ARPIN: variants seen among roughly 807,000 people sequenced by gnomAD.
ARPIN encodes UPF0552 protein C15orf38.
In ARPIN, 23 loss-of-function variants were observed where a neutral mutation model predicts 25.9. That is an observed-to-expected ratio of 0.89 (90% CI 0.64 to 1.26). The LOEUF (loss-of-function observed/expected upper bound fraction) is 1.26, where lower values mean the gene tolerates loss of function less well. ARPIN is among the 50% of genes most tolerant of loss of function. ARPIN has a pLI of 0.00. For missense variants in ARPIN, 333 were observed against 312.2 expected (o/e 1.07, Z -0.50); for synonymous variants, 126 against 131.4 (o/e 0.96, Z 0.28).
At chr15:89,910,855 T>G in intron 1 of ARPIN, 36 bp from the exon 2 acceptor site, 1 of 1,612,200 alleles carries the variant, frequency 6.2e-7, no homozygotes, top group Non-Finnish European at 8.5e-7. Context: ...TAGCCAGTTT[T>G]GTCAGTCCTC....
At position 89,895,811 on chromosome 15, in the gene ARPIN, T is replaced by A. The variant is rs985548124; in HGVS notation, c.*5984A>T. 2 of 152,364 alleles carry A rather than the reference T, an allele frequency of 1.3e-5. No individual in the cohort carries two copies. Among genetic ancestry groups the A allele is most frequent in the Non-Finnish European group, 2.9e-5 (2 of 68,150 alleles). The allele number at this position is 152,364 out of a possible 1,614,324, so 9.4% of individuals were successfully genotyped here. A position where few individuals can be genotyped will look rare whatever the true frequency, so the allele number is the denominator to read the frequency against. On this transcript the variant is annotated 3_prime_UTR_variant, in exon 6 of 6. Transcript: ENST00000357484. ...GGCACAGTCATACCTCACTGTAACC[T>A]CAAACTGCTGGCCTCAGGCAATCCT...
At chr15:89,909,000 CAAAACA>C (rs1299210077) in intron 2 of ARPIN, among the ~76,000 whole-genome samples, 2 of 151,924 alleles carry the variant, frequency 1.3e-5, no homozygotes, top group African/African-American at 4.8e-5. Flanking sequence ...AAAAACAAAA[CAAAACA>C]AAACCATAAC....
At chr15:89,911,952 A>C (rs1897231266) in intron 1 of ARPIN, 1 of 154,240 alleles carries the variant, frequency 6.5e-6, no homozygotes, top group African/African-American at 2.4e-5. Context: ...TCAGCCTCCC[A>C]AATAGCTGGG....
rs116966789 is a variant in ARPIN, at chr15:89,906,610, C to T, written c.301+1670G>A. Reference sequence around the variant, plus strand: ...GACTGGGTCTTGTTCATCCCTGGACCTCTCAGCATGTGGCACAAGGGCTGG... The same window carrying T: ...GACTGGGTCTTGTTCATCCCTGGACTTCTCAGCATGTGGCACAAGGGCTGG... On this transcript the variant is annotated intron_variant, in intron 3 of 5. Transcript: ENST00000357484. 4.9e-4 allele frequency among the ~76,000 whole-genome samples: 74 copies of T among 152,248 alleles called. No individual in the cohort carries two copies. The East Asian group carries it at 0.014, about 28-fold the overall frequency.
chr15:89,908,144 G>GC, intron 3 of ARPIN, 136 bp downstream of exon 3: 1 of 1,383,740 alleles, frequency 7.2e-7, no homozygotes, highest in Non-Finnish European at 9.6e-7. Flanking sequence ...GGATGTGGAA[G>GC]CCTCAGGCCA....
At chr15:89,906,417 C>T (rs942934993) in intron 3 of ARPIN, among the ~76,000 whole-genome samples, 2 of 152,182 alleles carry the variant, frequency 1.3e-5, no homozygotes, top group Admixed American at 6.5e-5. Context: ...AAACACCCTG[C>T]AAATCCCTGG....
Position 89,903,318 on chromosome 15 carries a change from C to T in ARPIN, c.570G>A (p.Lys190=). The part of the protein sequence containing the change: ...VTKCNFTGDG[K]TGASWTDNIM... Reference sequence around the variant, plus strand: ...TGTTGTCTGTCCAGGATGCCCCTGTCTTTCCATCACCAGTGAAATTACACT... The same window carrying T: ...TGTTGTCTGTCCAGGATGCCCCTGTTTTTCCATCACCAGTGAAATTACACT... Residue 190 remains lysine, a synonymous_variant, in exon 5 of 6, where the codon AAG becomes AAA. Coordinates refer to ENST00000357484, the MANE Select transcript of ARPIN (RefSeq NM_182616.4). 11 of 1,614,208 alleles carry T rather than the reference C, an allele frequency of 6.8e-6. No homozygotes were observed. Among genetic ancestry groups the T allele is most frequent in the Non-Finnish European group, 9.3e-6 (11 of 1,180,026 alleles).
intron 5 of ARPIN, chr15:89,902,959 C>T: frequency 7.1e-7 from 1 of 1,412,022 alleles, no homozygotes; most frequent in Non-Finnish European, 9.2e-7. Flanking sequence ...CCCTCTGCAC[C>T]CCCTCCTTCC....
intron 5 of ARPIN, among the ~76,000 whole-genome samples, chr15:89,902,685 C>G (rs1897042161): frequency 6.6e-6 from 1 of 152,048 alleles, no homozygotes; most frequent in Non-Finnish European, 1.5e-5. Context: ...GCCTGGGCAA[C>G]AGAATGAGAC....
At position 89,895,113 on chromosome 15, in the gene ARPIN, G is replaced by GA. The variant is rs1183287274; in HGVS notation, c.*6681dup. 2 of 151,650 alleles carry GA rather than the reference G, an allele frequency of 1.3e-5. No homozygotes were observed. Among genetic ancestry groups the GA allele is most frequent in the Non-Finnish European group, 2.9e-5 (2 of 67,936 alleles). The allele number at this position is 151,650 out of a possible 1,614,324, so 9.4% of individuals were successfully genotyped here. A position where few individuals can be genotyped will look rare whatever the true frequency, so the allele number is the denominator to read the frequency against. ...ATCTTCAGAACAGTAAAAAAAAGAA[G>GA]AAAAAAATATATATCTCAGCAGTGT... On this transcript the variant is annotated 3_prime_UTR_variant, in exon 6 of 6. Coordinates refer to ENST00000357484, the MANE Select transcript of ARPIN (RefSeq NM_182616.4).
At chr15:89,909,057 C>T (rs956494614) in intron 2 of ARPIN, among the ~76,000 whole-genome samples, 1 of 152,128 alleles carries the variant, frequency 6.6e-6, no homozygotes, top group African/African-American at 2.4e-5. Flanking sequence ...CAGGAATGGG[C>T]GCTGCCAAGG....
intron 1 of ARPIN, 81 bp downstream of exon 1, chr15:89,912,663 T>TGTGGGCCC: frequency 3.4e-6 from 3 of 871,104 alleles, no homozygotes; most frequent in Non-Finnish European, 4.2e-6. Context: ...CCCACCCGCA[T>TGTGGGCCC]CCCACCCCCC....
Position 89,903,783 on chromosome 15 carries a change from A to G in ARPIN, c.502T>C (p.Phe168Leu), listed in dbSNP as rs376700598. ...TGAGGGTTGCATTGCTCACCCAGGA[A>G]GGGACCATCGCCCCGAGTCTTCAGC... ...VRLKTRGDGP[F>L]LDSLAKLEAG... Residue 168 changes from phenylalanine (F) to leucine (L), a missense_variant, in exon 4 of 6, where the codon TTC (phenylalanine) becomes CTC (leucine). Transcript: ENST00000357484. 23 of 1,614,080 alleles carry G rather than the reference A, an allele frequency of 1.4e-5. No individual in the cohort carries two copies. Among genetic ancestry groups the G allele is most frequent in the Non-Finnish European group, 1.8e-5 (21 of 1,180,034 alleles).
chr15:89,903,778 CA>C lies in ARPIN; in HGVS notation c.506del (p.Leu169ArgfsTer12). The C allele has an allele frequency of 6.2e-7, 1 of 1,614,154 alleles. No individual in the cohort carries two copies. Among genetic ancestry groups the C allele is most frequent in the South Asian group, 1.1e-5 (1 of 91,078 alleles). On this transcript the variant is annotated frameshift_variant and splice_region_variant, in exon 4 of 6. Transcript: ENST00000357484. LOFTEE classifies it high-confidence loss of function. ...RLKTRGDGPFLDSLAKLEAGT... is the reference protein window; with the variant it reads ...RLKTRGDGPFXDSLAKLEAGT... ...CACAGTGAGGGTTGCATTGCTCACC[CA>C]GGAAGGGACCATCGCCCCGAGTCTT...
chr15:89,901,507 C>A lies in ARPIN; in HGVS notation c.*288G>T, dbSNP rs1897020062. The A allele has an allele frequency of 4.3e-6, 2 of 462,516 alleles. No homozygotes were observed. Among genetic ancestry groups the A allele is most frequent in the African/African-American group, 2.0e-5 (1 of 49,898 alleles). The allele number at this position is 462,516 out of a possible 1,614,324, so 28.7% of individuals were successfully genotyped here. A position where few individuals can be genotyped will look rare whatever the true frequency, so the allele number is the denominator to read the frequency against. ...CAGCCTGGGCAACATAGTGAGACCT[C>A]CATCTCTAATTTTTTTTTAAAGGGT... On this transcript the variant is annotated 3_prime_UTR_variant, in exon 6 of 6. Coordinates refer to ENST00000357484, the MANE Select transcript of ARPIN (RefSeq NM_182616.4).
rs1250003859 is a variant in ARPIN, at chr15:89,895,215, G to A, written c.*6580C>T. ...AAGTGCATTGTTCTACATTGAATAT[G>A]AGAAATATTAAATAGATAATAAAAA... is the stretch of plus-strand genomic sequence containing the variant. On this transcript the variant is annotated 3_prime_UTR_variant, in exon 6 of 6. Coordinates refer to ENST00000357484, the MANE Select transcript of ARPIN (RefSeq NM_182616.4). 2.0e-5 allele frequency: 3 copies of A among 152,154 alleles called. No individual in the cohort carries two copies. Among genetic ancestry groups the A allele is most frequent in the Non-Finnish European group, 1.5e-5 (1 of 68,028 alleles). The allele number at this position is 152,154 out of a possible 1,614,324, so 9.4% of individuals were successfully genotyped here. A position where few individuals can be genotyped will look rare whatever the true frequency, so the allele number is the denominator to read the frequency against.
intron 3 of ARPIN, among the ~76,000 whole-genome samples, chr15:89,905,212 G>C (rs1897098648): frequency 1.3e-5 from 2 of 151,882 alleles, no homozygotes; most frequent in African/African-American, 4.8e-5. Flanking sequence ...GTTAGAAACG[G>C]GGTTTCACCA....
At position 89,900,718 on chromosome 15, in the gene ARPIN, G is replaced by T. The variant is rs1897005087; in HGVS notation, c.*1077C>A. The T allele has an allele frequency of 6.6e-6, 1 of 152,178 alleles. No homozygotes were observed. Among genetic ancestry groups the T allele is most frequent in the Non-Finnish European group, 1.5e-5 (1 of 68,050 alleles). 9.4% of individuals were successfully genotyped at this position (152,178 alleles called of 1,614,324 possible). On this transcript the variant is annotated 3_prime_UTR_variant, in exon 6 of 6. Coordinates refer to ENST00000357484, the MANE Select transcript of ARPIN (RefSeq NM_182616.4). ...TGCCACCAAGTCCTGACGACATGGA[G>T]ACTTCAATTCCAGGTCTCTTCACAG... is the stretch of plus-strand genomic sequence containing the variant.
At chr15:89,906,653 C>T (rs1194057084) in intron 3 of ARPIN, among the ~76,000 whole-genome samples, 1 of 152,088 alleles carries the variant, frequency 6.6e-6, no homozygotes, top group Non-Finnish European at 1.5e-5. Flanking sequence ...TATAGATGGT[C>T]CCTAATGTTC....
Sources: gnomAD v4.1 joint callset for allele counts (sites outside exome capture counted in the v4.1 genomes callset) on GRCh38, gnomAD v4.1.1 for gene constraint, MANE v1.5 for transcripts, NCBI Gene and HGNC (gene_info 2026-07-23, HGNC 2026-07-21) for gene names.